The following RPTOR variants were observed in gnomAD, a reference collection of about 807,000 sequenced individuals.
The protein encoded by RPTOR is regulatory-associated protein of mTOR.
In RPTOR, 21 loss-of-function variants were observed where a neutral mutation model predicts 169.9. The observed-to-expected ratio is 0.12, with a 90% confidence interval of 0.09 to 0.18. The LOEUF is 0.18. Among genes scored for constraint, RPTOR ranks in the 10% least tolerant of loss-of-function variants. The pLI is 1.00. For synonymous variants in RPTOR, 732 were observed against 753.2 expected (o/e 0.97, Z 0.46); for missense variants, 1,133 against 1,855.9 (o/e 0.61, Z 7.16).
chr17:80,944,883 C>T (rs2069079637), intron 25 of RPTOR, among the ~76,000 whole-genome samples: 1 of 151,366 alleles, frequency 6.6e-6, no homozygotes, highest in Non-Finnish European at 1.5e-5. Context: ...CCCAGCGACT[C>T]AGGAGGCTGA....
At chr17:80,701,587 C>G (rs1235759569) in intron 3 of RPTOR, among the ~76,000 whole-genome samples, 9 of 152,098 alleles carry the variant, frequency 5.9e-5, no homozygotes, top group African/African-American at 1.9e-4. Context: ...TTCACTAGAC[C>G]CCAGATGGGG....
At position 80,684,753 on chromosome 17, in the gene RPTOR, T is replaced by G. The variant is rs187001948; in HGVS notation, c.349-23088T>G. ...AGCCACTGCGCCCAGCCATGTTATT[T>G]TCTTATATCCTGCTCTTACATGGCA... On this transcript the variant is annotated intron_variant, in intron 3 of 33. Coordinates refer to ENST00000306801, the MANE Select transcript of RPTOR (RefSeq NM_020761.3). 2.6e-5 allele frequency among the ~76,000 whole-genome samples: 4 copies of G among 152,266 alleles called. No homozygotes were observed. The East Asian group carries it at 7.7e-4, about 29-fold the overall frequency.
At chr17:80,832,982 CAG>C (rs1016304975) in intron 9 of RPTOR, among the ~76,000 whole-genome samples, 2 of 152,188 alleles carry the variant, frequency 1.3e-5, no homozygotes, top group African/African-American at 4.8e-5. Context: ...AATGAATACT[CAG>C]AGCCGGCTTT....
chr17:80,929,498 G>C (rs780215623), intron 24 of RPTOR, among the ~76,000 whole-genome samples: 2 of 152,248 alleles, frequency 1.3e-5, no homozygotes, highest in Non-Finnish European at 2.9e-5. Flanking sequence ...TTTAAGAGTC[G>C]ATACGCTGTT....
Position 80,576,986 on chromosome 17 carries a change from G to A in RPTOR, c.162+31195G>A, listed in dbSNP as rs565596094. 1.7e-3 allele frequency among the ~76,000 whole-genome samples: 251 copies of A among 152,016 alleles called. 2 individuals are homozygous for A. Among genetic ancestry groups the A allele is most frequent in the Non-Finnish European group, 2.7e-3 (185 of 68,008 alleles). The stretch of plus-strand genomic sequence containing the variant: ...CCCAAAATGCTGGGATTACAGGCGT[G>A]AGCTCCCATGCCTGGCCTCTGAAAA... On this transcript the variant is annotated intron_variant, in intron 1 of 33. Coordinates refer to ENST00000306801, the MANE Select transcript of RPTOR (RefSeq NM_020761.3).
rs1458180658 is a variant in RPTOR, at chr17:80,936,147, C to G, written c.2920-4349C>G. Among the ~76,000 whole-genome samples, 1 of 152,162 alleles carries G rather than the reference C, an allele frequency of 6.6e-6. No individual in the cohort carries two copies. The highest frequency in any genetic ancestry group is 1.9e-4 in the East Asian group (1 of 5,198). The stretch of plus-strand genomic sequence containing the variant: ...TCTTAATCACGGGAAAGTACGGACC[C>G]CTGCAGTGAGATCCCACTACACACC... On this transcript the variant is annotated intron_variant, in intron 24 of 33. Transcript: ENST00000306801. This position sits in a 1 kb window ranked among gnomAD's most constrained non-coding sequence, Gnocchi z 4.1.
At chr17:80,621,008 G>A (rs890357315) in intron 1 of RPTOR, among the ~76,000 whole-genome samples, 9 of 152,192 alleles carry the variant, frequency 5.9e-5, no homozygotes, top group African/African-American at 2.2e-4. Context: ...GTAGGGTTAG[G>A]TGTGTATTGT....
intron 1 of RPTOR, among the ~76,000 whole-genome samples, chr17:80,604,968 C>A (rs1796491127): frequency 6.6e-6 from 1 of 151,676 alleles, no homozygotes; most frequent in Non-Finnish European, 1.5e-5. Context: ...ATTATGTTGC[C>A]CAGCTGGTCT....
intron 13 of RPTOR, among the ~76,000 whole-genome samples, chr17:80,871,263 G>A (rs565508283): frequency 8.5e-5 from 13 of 152,048 alleles, no homozygotes; most frequent in African/African-American, 2.7e-4. Flanking sequence ...CCGCCACCAC[G>A]CCCGGCTAAT....
chr17:80,625,865 G>A, intron 2 of RPTOR, 72 bp downstream of exon 2: 4 of 1,055,382 alleles, frequency 3.8e-6, no homozygotes, highest in African/African-American at 1.6e-5. Flanking sequence ...GGCTCGCCAA[G>A]CCTGTGGTCT....
chr17:80,823,612 C>T lies in RPTOR; in HGVS notation c.1136+389C>T, dbSNP rs9895174. ...CTCTGGAGAATTAAACTGTTGGGCT[C>T]ATGATCAATTAGTTTTTATGCTTAT... On this transcript the variant is annotated intron_variant, in intron 9 of 33. Coordinates refer to ENST00000306801, the MANE Select transcript of RPTOR (RefSeq NM_020761.3). This position sits in a 1 kb window ranked among gnomAD's most constrained non-coding sequence, Gnocchi z 4.5. 27,535 of 177,944 alleles carry T rather than the reference C, an allele frequency of 0.15. 2,374 individuals are homozygous for T. Among genetic ancestry groups the T allele is most frequent in the Middle Eastern group, 0.21 (80 of 376 alleles). 11.0% of individuals were successfully genotyped at this position (177,944 alleles called of 1,614,324 possible). A position where few individuals can be genotyped will look rare whatever the true frequency, so the allele number is the denominator to read the frequency against.
At chr17:80,736,233 C>T (rs1289088567) in intron 5 of RPTOR, among the ~76,000 whole-genome samples, 2 of 152,102 alleles carry the variant, frequency 1.3e-5, no homozygotes, top group African/African-American at 2.4e-5. Flanking sequence ...ACTATTCCCC[C>T]GCACTCTGCA....
chr17:80,672,430 A>G (rs2065829011), intron 3 of RPTOR, among the ~76,000 whole-genome samples: 1 of 148,046 alleles, frequency 6.8e-6, no homozygotes, highest in South Asian at 2.1e-4. Flanking sequence ...AGCTCCAGCC[A>G]TTGCATATAT....
chr17:80,917,886 G>A (rs58800050), intron 21 of RPTOR, among the ~76,000 whole-genome samples: 195 of 152,172 alleles, frequency 1.3e-3, no homozygotes, highest in South Asian at 4.6e-3. Flanking sequence ...TGGTTTCAGC[G>A]GTGGCCTGCT....
rs1440570331 is a variant in RPTOR, at chr17:80,861,844, G to A, written c.1509+3944G>A. Among the ~76,000 whole-genome samples, 1 of 152,098 alleles carries A rather than the reference G, an allele frequency of 6.6e-6. No individual in the cohort carries two copies. The highest frequency in any genetic ancestry group is 1.5e-5 in the Non-Finnish European group (1 of 68,018). ...ATGATGTCTTTATTTTTAGTCTCAG[G>A]GGTGGCTCTTGGTGAAAGGGGACAG... is the stretch of plus-strand genomic sequence containing the variant. On this transcript the variant is annotated intron_variant, in intron 13 of 33. Transcript: ENST00000306801. The surrounding 1 kb of genome is among the most constrained non-coding windows in gnomAD (Gnocchi z 4.5).
chr17:80,696,805 C>T (rs928002753), intron 3 of RPTOR, among the ~76,000 whole-genome samples: 15 of 152,294 alleles, frequency 9.8e-5, no homozygotes, highest in African/African-American at 3.4e-4. Context: ...CATGCGGGGC[C>T]CACAGCCAGA....
chr17:80,620,720 C>A lies in RPTOR; in HGVS notation c.163-4971C>A, dbSNP rs552911082. On this transcript the variant is annotated intron_variant, in intron 1 of 33. Transcript: ENST00000306801. The stretch of plus-strand genomic sequence containing the variant: ...GGTGGAGGTTGCGGTGAGCCGAGAT[C>A]GTGCCACTGCACGTGATCGTGGTCA... 2.6e-4 allele frequency among the ~76,000 whole-genome samples: 40 copies of A among 152,284 alleles called. No homozygotes were observed. In the South Asian group the frequency reaches 7.7e-3, roughly 29 times the overall value.
At chr17:80,850,724 T>C (rs1402901717) in intron 11 of RPTOR, among the ~76,000 whole-genome samples, 8 of 152,216 alleles carry the variant, frequency 5.3e-5, no homozygotes, top group African/African-American at 1.7e-4. Flanking sequence ...AGGATTGTTA[T>C]CAGGTGACAG....
At chr17:80,692,425 G>A (rs962941764) in intron 3 of RPTOR, among the ~76,000 whole-genome samples, 7 of 152,034 alleles carry the variant, frequency 4.6e-5, no homozygotes, top group Admixed American at 3.3e-4. Flanking sequence ...AGGTTCAAGC[G>A]ATTCTCCTGC....
Sources: allele counts gnomAD v4.1 joint callset (sites outside exome capture counted in the v4.1 genomes callset), GRCh38; gene constraint gnomAD v4.1.1; non-coding constraint Gnocchi (gnomAD v3.1); transcripts MANE v1.5; gene names NCBI Gene and HGNC (gene_info 2026-07-23, HGNC 2026-07-21).